The following ZBTB20 variants were observed in gnomAD, a reference collection of about 807,000 sequenced individuals.
The protein encoded by ZBTB20 is zinc finger and BTB domain containing 20.
ZBTB20 carries 9 observed loss-of-function variants against 56.9 expected under a neutral mutation model. That is an observed-to-expected ratio of 0.16 (90% CI 0.10 to 0.28). The LOEUF (loss-of-function observed/expected upper bound fraction) is 0.28. ZBTB20 is among the 10% of genes least tolerant of loss of function. The pLI, the probability that ZBTB20 is intolerant of heterozygous loss-of-function variation, is 1.00. For missense variants in ZBTB20, 655 were observed against 1,003.0 expected (o/e 0.65, Z 4.69); for synonymous variants, 417 against 420.7 (o/e 0.99, Z 0.11).
intron 2 of ZBTB20, among the ~76,000 whole-genome samples, chr3:115,004,786 G>C (rs2079398183): frequency 6.6e-6 from 1 of 151,618 alleles, no homozygotes. Context: ...TTCATAGAAA[G>C]TTTCTCTAAA....
At chr3:114,871,792 G>C (rs911246115) in intron 4 of ZBTB20, among the ~76,000 whole-genome samples, 3 of 152,006 alleles carry the variant, frequency 2.0e-5, no homozygotes, top group African/African-American at 7.2e-5. Context: ...AAAAGCTAAT[G>C]ATCATCTTAT....
intron 6 of ZBTB20, among the ~76,000 whole-genome samples, chr3:114,593,387 T>C (rs9810665): frequency 0.11 from 15,288 of 143,946 alleles, 1,105 homozygotes; most frequent in Non-Finnish European, 0.16. Flanking sequence ...TTCTTTTCTT[T>C]TTTTTTTTTT....
chr3:114,908,232 T>C (rs1231063225), intron 3 of ZBTB20, among the ~76,000 whole-genome samples: 1 of 152,052 alleles, frequency 6.6e-6, no homozygotes, highest in Non-Finnish European at 1.5e-5. Context: ...GAAATGTTTC[T>C]ATTAAAATAT....
At chr3:115,029,070 C>T (rs1215431577) in intron 2 of ZBTB20, among the ~76,000 whole-genome samples, 1 of 149,934 alleles carries the variant, frequency 6.7e-6, no homozygotes, top group Non-Finnish European at 1.5e-5. Context: ...TACACACACA[C>T]ATACACACAC....
intron 1 of ZBTB20, among the ~76,000 whole-genome samples, chr3:115,073,418 G>T (rs1202982484): frequency 6.6e-6 from 1 of 152,060 alleles, no homozygotes; most frequent in Non-Finnish European, 1.5e-5. Flanking sequence ...TAATTGTTCT[G>T]ATATTTCTTA....
Position 115,021,798 on chromosome 3 carries a change from A to G in ZBTB20, c.-506-47382T>C, listed in dbSNP as rs993420387. 1.3e-4 allele frequency among the ~76,000 whole-genome samples: 20 copies of G among 150,836 alleles called. 1 individual carries two copies. Among genetic ancestry groups the G allele is most frequent in the Admixed American group, 1.1e-3 (17 of 15,076 alleles). Reference sequence around the variant, plus strand: ...CAATGGAAATGTTTGTATATTTGTCAAACTAAATATTATGTTAAAATATTT... The same window carrying G: ...CAATGGAAATGTTTGTATATTTGTCGAACTAAATATTATGTTAAAATATTT... On this transcript the variant is annotated intron_variant, in intron 2 of 11. Transcript: ENST00000675478.
intron 5 of ZBTB20, among the ~76,000 whole-genome samples, chr3:114,744,326 G>A (rs953025896): frequency 1.3e-5 from 2 of 152,044 alleles, no homozygotes; most frequent in Non-Finnish European, 2.9e-5. Context: ...TTATTGCAAT[G>A]GTGGAAACCA....
intron 6 of ZBTB20, among the ~76,000 whole-genome samples, chr3:114,638,746 T>G (rs1182945924): frequency 6.6e-6 from 1 of 152,076 alleles, no homozygotes; most frequent in African/African-American, 2.4e-5. Context: ...AAAAATTATA[T>G]GACAAAAATT....
chr3:114,997,324 G>C (rs957589331), intron 2 of ZBTB20, among the ~76,000 whole-genome samples: 1 of 151,770 alleles, frequency 6.6e-6, no homozygotes, highest in Non-Finnish European at 1.5e-5. Context: ...GAATTAGATA[G>C]TGGTGATGTT....
intron 1 of ZBTB20, among the ~76,000 whole-genome samples, chr3:115,118,703 ATTTTTTTTT>A (rs35607205): frequency 4.7e-4 from 39 of 82,214 alleles, no homozygotes; most frequent in Admixed American, 1.7e-4. Context: ...CCTGGTACAA[ATTTTTTTTT>A]TTTTTTTTTT....
At chr3:114,864,181 TC>T (rs910426128) in intron 4 of ZBTB20, among the ~76,000 whole-genome samples, 22 of 152,182 alleles carry the variant, frequency 1.4e-4, no homozygotes, top group African/African-American at 4.8e-4. Flanking sequence ...TACTTAGCAT[TC>T]CCTTTCTGTT....
intron 5 of ZBTB20, among the ~76,000 whole-genome samples, chr3:114,796,928 ACT>A (rs965632490): frequency 1.3e-5 from 2 of 151,830 alleles, no homozygotes; most frequent in African/African-American, 4.8e-5. Flanking sequence ...AAGTCATGTA[ACT>A]CTGAGAAGCT....
chr3:114,435,356 A>G (rs763764653), intron 7 of ZBTB20, among the ~76,000 whole-genome samples: 3 of 152,132 alleles, frequency 2.0e-5, no homozygotes, highest in African/African-American at 7.2e-5. Flanking sequence ...TACATATGTT[A>G]TCTCATTTGA....
intron 2 of ZBTB20, among the ~76,000 whole-genome samples, chr3:114,975,330 G>GTA: frequency 6.6e-6 from 1 of 152,050 alleles, no homozygotes; most frequent in East Asian, 1.9e-4. Context: ...TCTCCACAGA[G>GTA]ATTTAGGCAT....
chr3:114,428,613 A>G (rs1332337719), intron 7 of ZBTB20, among the ~76,000 whole-genome samples: 1 of 152,342 alleles, frequency 6.6e-6, no homozygotes, highest in Non-Finnish European at 1.5e-5. Context: ...ATGAAAAGAC[A>G]CCTATCTCAA....
chr3:115,007,306 T>C (rs2079515220), intron 2 of ZBTB20, among the ~76,000 whole-genome samples: 1 of 151,700 alleles, frequency 6.6e-6, no homozygotes, highest in African/African-American at 2.4e-5. Context: ...CAATTATGTC[T>C]ACTCCTTTTG....
At chr3:114,859,372 TCTTCCTTCCTTC>T (rs35979753) in intron 4 of ZBTB20, among the ~76,000 whole-genome samples, 18 of 150,572 alleles carry the variant, frequency 1.2e-4, no homozygotes, top group Non-Finnish European at 1.9e-4. Flanking sequence ...CTCCTTCCTT[TCTTCCTTCCTTC>T]CTTCCTTCTT....
At chr3:114,999,899 T>C (rs2079177638) in intron 2 of ZBTB20, among the ~76,000 whole-genome samples, 1 of 151,748 alleles carries the variant, frequency 6.6e-6, no homozygotes, top group Admixed American at 6.6e-5. Context: ...CTGAAGCTAT[T>C]GCATAATTTA....
intron 1 of ZBTB20, among the ~76,000 whole-genome samples, chr3:115,097,273 G>A (rs1209322850): frequency 6.6e-6 from 1 of 152,196 alleles, no homozygotes; most frequent in East Asian, 1.9e-4. Context: ...CCACCTCCCG[G>A]GTTCAAGGGA....
Sources: gnomAD v4.1 joint callset for allele counts (sites outside exome capture counted in the v4.1 genomes callset) on GRCh38, gnomAD v4.1.1 for gene constraint, MANE v1.5 for transcripts, NCBI Gene and HGNC (gene_info 2026-07-23, HGNC 2026-07-21) for gene names.